Variants in SPOCK1 observed in about 807,000 individuals in gnomAD.
The protein encoded by SPOCK1 is SPARC (osteonectin), cwcv and kazal like domains proteoglycan 1, also known as testican-1.
SPOCK1 carries 23 observed loss-of-function variants against 55.3 expected under a neutral mutation model. The observed-to-expected ratio is 0.42, with a 90% CI of 0.30 to 0.59. The LOEUF is 0.59. Among genes scored for constraint, SPOCK1 ranks in the 20% least tolerant of loss-of-function variants. The pLI is 0.22. For synonymous variants in SPOCK1, 226 were observed against 221.0 expected, an observed-to-expected ratio of 1.02 and a Z score of -0.20; for missense variants, 499 against 552.5, an observed-to-expected ratio of 0.90 and a Z score of 0.97.
intron 6 of SPOCK1, among the ~76,000 whole-genome samples, chr5:137,020,053 G>A (rs1400534105): frequency 6.6e-6 from 1 of 151,660 alleles, no homozygotes; most frequent in African/African-American, 2.4e-5. Context: ...ATAGAATAGG[G>A]TGGTTATCTT....
chr5:137,342,358 A>C (rs900184558), intron 2 of SPOCK1, among the ~76,000 whole-genome samples: 6 of 152,226 alleles, frequency 3.9e-5, no homozygotes, highest in Non-Finnish European at 8.8e-5. Context: ...CTAAAAAAAA[A>C]ATCTTGTCTT....
intron 2 of SPOCK1, among the ~76,000 whole-genome samples, chr5:137,417,495 C>T (rs1181925501): frequency 6.6e-6 from 1 of 152,066 alleles, no homozygotes; most frequent in African/African-American, 2.4e-5. Flanking sequence ...ATTTCCATTA[C>T]CCCAAACAGT....
At chr5:137,147,304 T>C (rs1014058328) in intron 3 of SPOCK1, among the ~76,000 whole-genome samples, 1 of 152,162 alleles carries the variant, frequency 6.6e-6, no homozygotes, top group Admixed American at 6.5e-5. Context: ...CAAGTGAACA[T>C]ATTAGGCAAA....
intron 9 of SPOCK1, among the ~76,000 whole-genome samples, chr5:136,982,091 A>G (rs1206446861): frequency 6.6e-6 from 1 of 152,202 alleles, no homozygotes; most frequent in African/African-American, 2.4e-5. Flanking sequence ...AGGCTATACC[A>G]TCTAGGTCTG....
At chr5:137,199,323 A>G (rs1002360046) in intron 3 of SPOCK1, among the ~76,000 whole-genome samples, 5 of 152,172 alleles carry the variant, frequency 3.3e-5, no homozygotes, top group Non-Finnish European at 7.4e-5. Context: ...CAGGCCAGCA[A>G]TGACCCTCCT....
chr5:137,091,382 G>A (rs188178421), intron 5 of SPOCK1, among the ~76,000 whole-genome samples: 22 of 152,262 alleles, frequency 1.4e-4, no homozygotes, highest in Admixed American at 5.2e-4. Context: ...TAAAACCCTC[G>A]CTGTAGATGA....
intron 3 of SPOCK1, among the ~76,000 whole-genome samples, chr5:137,152,810 A>ACAAACCCT (rs1487852861): frequency 2.6e-4 from 40 of 152,200 alleles, no homozygotes; most frequent in African/African-American, 9.2e-4. Flanking sequence ...CGGACAACCC[A>ACAAACCCT]CAAACCCTCA....
At chr5:137,010,915 G>A (rs145916118) in intron 6 of SPOCK1, among the ~76,000 whole-genome samples, 4 of 152,140 alleles carry the variant, frequency 2.6e-5, no homozygotes, top group African/African-American at 4.8e-5. Flanking sequence ...ATGTTTCTTC[G>A]CATATTGTAT....
intron 2 of SPOCK1, among the ~76,000 whole-genome samples, chr5:137,396,256 A>T (rs1051936537): frequency 6.6e-6 from 1 of 152,252 alleles, no homozygotes; most frequent in Non-Finnish European, 1.5e-5. Flanking sequence ...GAAGTAACAT[A>T]GAAAACACCA....
At chr5:137,453,194 C>G (rs1396669503) in intron 2 of SPOCK1, among the ~76,000 whole-genome samples, 3 of 152,132 alleles carry the variant, frequency 2.0e-5, no homozygotes, top group Admixed American at 6.5e-5. Context: ...CCCACTTGGT[C>G]CTTCCAGAAA....
At chr5:137,212,293 T>G (rs1270811842) in intron 3 of SPOCK1, among the ~76,000 whole-genome samples, 1 of 151,894 alleles carries the variant, frequency 6.6e-6, no homozygotes, top group Non-Finnish European at 1.5e-5. Context: ...GTGTGTTGAG[T>G]GTGTTGAGAG....
At chr5:137,095,350 A>AT (rs756214292) in intron 5 of SPOCK1, among the ~76,000 whole-genome samples, 12 of 152,128 alleles carry the variant, frequency 7.9e-5, no homozygotes, top group Non-Finnish European at 1.6e-4. Flanking sequence ...TGTAAAAAAA[A>AT]CCTTAGTATC....
chr5:137,294,247 C>G (rs1392857423), intron 2 of SPOCK1, among the ~76,000 whole-genome samples: 2 of 152,082 alleles, frequency 1.3e-5, no homozygotes, highest in Non-Finnish European at 2.9e-5. Flanking sequence ...GTTAGCTGTA[C>G]TAGATCATAT....
intron 3 of SPOCK1, among the ~76,000 whole-genome samples, chr5:137,257,902 C>G (rs779129356): frequency 5.9e-5 from 9 of 152,160 alleles, no homozygotes; most frequent in Non-Finnish European, 1.0e-4. Context: ...AGACCACAAG[C>G]CCCCTGAGGA....
chr5:137,102,983 T>G lies in SPOCK1; in HGVS notation c.474+9452A>C, dbSNP rs890895294. Among the ~76,000 whole-genome samples the G allele has an allele frequency of 7.2e-5, 11 of 151,862 alleles. No individual in the cohort carries two copies. In the South Asian group the frequency reaches 8.3e-4, roughly 12 times the overall value. Reference sequence around the variant, plus strand: ...CCCAATATCTACTCTGCTTTTTGGGTTTTTTTTGTTTTGTTTTGTTTTTTA... The same window carrying G: ...CCCAATATCTACTCTGCTTTTTGGGGTTTTTTTGTTTTGTTTTGTTTTTTA... On this transcript the variant is annotated intron_variant, in intron 5 of 10. Transcript: ENST00000394945.
intron 3 of SPOCK1, among the ~76,000 whole-genome samples, chr5:137,144,885 G>A (rs1446681877): frequency 2.0e-5 from 3 of 152,146 alleles, no homozygotes; most frequent in Admixed American, 2.0e-4. Flanking sequence ...TTGATTTCCT[G>A]GGGACTTGCT....
intron 3 of SPOCK1, among the ~76,000 whole-genome samples, chr5:137,174,631 T>C (rs1437685360): frequency 6.6e-6 from 1 of 152,210 alleles, no homozygotes; most frequent in East Asian, 1.9e-4. Context: ...ATAAAAAGGA[T>C]CATCCCAGAA....
At chr5:137,248,935 A>G (rs1756453682) in intron 3 of SPOCK1, among the ~76,000 whole-genome samples, 1 of 152,244 alleles carries the variant, frequency 6.6e-6, no homozygotes, top group African/African-American at 2.4e-5. Flanking sequence ...ATGTTATCAA[A>G]GATAAGTTGA....
chr5:137,444,752 G>A (rs1207919979), intron 2 of SPOCK1, among the ~76,000 whole-genome samples: 1 of 152,216 alleles, frequency 6.6e-6, no homozygotes, highest in Non-Finnish European at 1.5e-5. Flanking sequence ...ACATGAGTGT[G>A]CACGCAGGGC....
Sources: gnomAD v4.1 joint callset for allele counts (sites outside exome capture counted in the v4.1 genomes callset) on GRCh38, gnomAD v4.1.1 for gene constraint, MANE v1.5 for transcripts, NCBI Gene and HGNC (gene_info 2026-07-23, HGNC 2026-07-21) for gene names.